The following LZTR1 variants were observed in gnomAD, a reference collection of about 807,000 sequenced individuals.
The protein encoded by LZTR1 is leucine zipper like post translational regulator 1.
A neutral mutation model predicts 105.7 loss-of-function variants in LZTR1; 260 were observed. The observed-to-expected ratio is 2.46, with a 90% CI of 2.22 to 2.72. LZTR1 has a LOEUF of 2.72. LZTR1 is among the 30% of genes most tolerant of loss of function. LZTR1 has a pLI of 0.00. For missense variants in LZTR1, 1,214 were observed against 1,166.9 expected, an observed-to-expected ratio of 1.04 and a Z score of -0.59; for synonymous variants, 490 against 476.4, an observed-to-expected ratio of 1.03 and a Z score of -0.37.
At chr22:20,995,915 T>C in intron 17 of LZTR1, 43 bp downstream of exon 17, 1 of 1,613,056 alleles carries the variant, frequency 6.2e-7, no homozygotes, top group African/African-American at 1.3e-5. Context: ...GCCTGGATGG[T>C]GTCTTCGTTC....
At chr22:20,987,310 C>T in intron 3 of LZTR1, 194 bp from the exon 4 acceptor site, 1 of 552,962 alleles carries the variant, frequency 1.8e-6, no homozygotes, top group Non-Finnish European at 3.2e-6. Flanking sequence ...AGGACAATCG[C>T]TTGAACCCAG....
At chr22:20,992,458 C>T (rs1924641990) in intron 10 of LZTR1, 89 bp downstream of exon 10, 5 of 1,373,302 alleles carry the variant, frequency 3.6e-6, no homozygotes, top group Non-Finnish European at 4.9e-6. Flanking sequence ...GACTGAGGCC[C>T]CGAGAAATAC....
intron 11 of LZTR1, 113 bp from the exon 12 acceptor site, chr22:20,993,549 T>A: frequency 2.4e-6 from 2 of 823,444 alleles, no homozygotes; most frequent in Non-Finnish European, 3.9e-6. Context: ...ACCTGCCTCC[T>A]GGGCCCTGAG....
chr22:20,996,940 C>T lies in LZTR1; in HGVS notation c.2380C>T (p.His794Tyr). 2.5e-6 allele frequency: 4 copies of T among 1,613,680 alleles called. No homozygotes were observed. Among genetic ancestry groups the T allele is most frequent in the Non-Finnish European group, 3.4e-6 (4 of 1,179,960 alleles). ...ACTGGACATGAAGCGGCACTGCCTG[C>T]ACATCATTGTGCACCAGTTCACCAA... ...QALDMKRHCLHIIVHQFTKVS... is the reference protein window; with the variant it reads ...QALDMKRHCLYIIVHQFTKVS... The change falls in exon 20 of 21, where the codon CAC becomes TAC. Residue 794 changes from histidine (H) to tyrosine (Y), a missense_variant. Coordinates refer to ENST00000646124, the MANE Select transcript of LZTR1 (RefSeq NM_006767.4).
rs548004283 is a variant in LZTR1 at position 20,994,887 on chromosome 22, C to T, written c.1803C>T (p.Phe601=). ...TGCCCCAGGAGCACTGCCTGAACTT[C>T]GTGGTAAAGGAGTCCCACTTCAACC... ...LSQLKEHCLN[F]VVKESHFNQV... The change falls in exon 16 of 21, where the codon TTC becomes TTT. Residue 601 remains phenylalanine, a synonymous_variant. Coordinates refer to ENST00000646124, the MANE Select transcript of LZTR1 (RefSeq NM_006767.4). The T allele has an allele frequency of 9.3e-6, 15 of 1,613,344 alleles. No individual in the cohort carries two copies. The highest frequency in any genetic ancestry group is 6.6e-5 in the South Asian group (6 of 91,066).
chr22:20,987,327 G>A (rs1323372007), intron 3 of LZTR1, among the ~76,000 whole-genome samples, 177 bp from the exon 4 acceptor site: 1 of 151,176 alleles, frequency 6.6e-6, no homozygotes, highest in Non-Finnish European at 1.5e-5. Flanking sequence ...CCAGGAGGTG[G>A]AGGTTGAGCC....
chr22:20,985,646 G>A (rs1465015296), intron 2 of LZTR1, among the ~76,000 whole-genome samples, 195 bp from the exon 3 acceptor site: 1 of 152,136 alleles, frequency 6.6e-6, no homozygotes, highest in Non-Finnish European at 1.5e-5. Flanking sequence ...TGGCAGCCCT[G>A]GTGCCCATAT....
Position 20,994,538 on chromosome 22 carries a change from T to G in LZTR1, c.1616-20T>G, listed in dbSNP as rs1924745305. 1 of 1,603,720 alleles carries G rather than the reference T, an allele frequency of 6.2e-7. No homozygotes were observed. Among genetic ancestry groups the G allele is most frequent in the Non-Finnish European group, 8.5e-7 (1 of 1,177,704 alleles). On this transcript the variant is annotated intron_variant, in intron 14 of 20. Transcript: ENST00000646124. Reference sequence around the variant, plus strand: ...CCTCCCCTCTCCGGCTCCCTGAGATTCGGGGGCTCTGGGGCGCAGGCCATG... The same window carrying G: ...CCTCCCCTCTCCGGCTCCCTGAGATGCGGGGGCTCTGGGGCGCAGGCCATG...
Position 20,994,622 on chromosome 22 carries a change from C to T in LZTR1, c.1680C>T (p.Cys560=). The T allele has an allele frequency of 3.1e-6, 5 of 1,612,586 alleles. No homozygotes were observed. Among genetic ancestry groups the T allele is most frequent in the Non-Finnish European group, 4.2e-6 (5 of 1,179,800 alleles). The change falls in exon 15 of 21, where the codon TGC becomes TGT. Residue 560 remains cysteine, a synonymous_variant. Transcript: ENST00000646124. The stretch of plus-strand genomic sequence containing the variant: ...AACTGGCACTGAGCTTCCAGTTGTG[C>T]CGCCTGGAGCAGCTGTGCCGCCAGT... ...VYKLALSFQL[C]RLEQLCRQYI... is the part of the protein sequence containing the mutation.
Position 20,997,281 on chromosome 22 carries a change from A to C in LZTR1, c.2456A>C (p.Asp819Ala), listed in dbSNP as rs765969026. Residue 819 changes from aspartate to alanine, a missense_variant, in exon 21 of 21, where the codon GAC becomes GCC. Transcript: ENST00000646124. ...TCGCTGAGCCAGCAGCTGCTGCTGG[A>C]CATCATAGACTCCCTGGCCTCCCAC... Reference protein sequence around the residue: ...LRSLSQQLLLDIIDSLASHIS... With the variant: ...LRSLSQQLLLAIIDSLASHIS... The C allele has an allele frequency of 3.1e-6, 5 of 1,613,696 alleles. No homozygotes were observed. Among genetic ancestry groups the C allele is most frequent in the Non-Finnish European group, 4.2e-6 (5 of 1,179,964 alleles).
At position 20,982,316 on chromosome 22, in the gene LZTR1, C is replaced by G; in HGVS notation, c.-56C>G. The G allele has an allele frequency of 1.4e-6, 2 of 1,381,282 alleles. No individual in the cohort carries two copies. The highest frequency in any genetic ancestry group is 2.0e-6 in the Non-Finnish European group (2 of 1,019,190). 85.6% of individuals were successfully genotyped at this position (1,381,282 alleles called of 1,614,324 possible). On this transcript the variant is annotated 5_prime_UTR_variant, in exon 1 of 21. Coordinates refer to ENST00000646124, the MANE Select transcript of LZTR1 (RefSeq NM_006767.4). Reference sequence around the variant, plus strand: ...GGAAATGTGGTTTCTCCAGCCGGCCCGGGGCGGTGGCCGCAAGTTGGGCTT... The same window carrying G: ...GGAAATGTGGTTTCTCCAGCCGGCCGGGGGCGGTGGCCGCAAGTTGGGCTT...
intron 5 of LZTR1, 93 bp from the exon 6 acceptor site, chr22:20,988,696 C>A: frequency 1.2e-6 from 1 of 860,056 alleles, no homozygotes; most frequent in Non-Finnish European, 2.0e-6. Context: ...GCCATGCAGC[C>A]TGGCTGTGGC....
rs1468792315 is a variant in LZTR1 at position 20,998,253 on chromosome 22, G to A, written c.*905G>A. 3 of 152,344 alleles carry A rather than the reference G, an allele frequency of 2.0e-5. No homozygotes were observed. The highest frequency in any genetic ancestry group is 6.5e-5 in the Admixed American group (1 of 15,284). The allele number at this position is 152,344 out of a possible 1,614,324, so 9.4% of individuals were successfully genotyped here. On this transcript the variant is annotated 3_prime_UTR_variant, in exon 21 of 21. Transcript: ENST00000646124. ...TGCTGTCAACTCCTGCCTCCACCTG[G>A]GGTCACCCAGTCACATTGGGAAGGG...
Position 20,994,530 on chromosome 22 carries a change from CCT to C in LZTR1, c.1616-27_1616-26del, listed in dbSNP as rs1163956455. The C allele has an allele frequency of 6.9e-6, 11 of 1,601,892 alleles. No individual in the cohort carries two copies. In the East Asian group the frequency reaches 1.3e-4, roughly 20 times the overall value. On this transcript the variant is annotated intron_variant, in intron 14 of 20. Coordinates refer to ENST00000646124, the MANE Select transcript of LZTR1 (RefSeq NM_006767.4). ...TGCCCTGCCCTCCCCTCTCCGGCTC[CCT>C]GAGATTCGGGGGCTCTGGGGCGCAG...
At chr22:20,987,434 G>A (rs943636357) in intron 3 of LZTR1, 70 bp from the exon 4 acceptor site, 3 of 849,380 alleles carry the variant, frequency 3.5e-6, no homozygotes, top group Middle Eastern at 4.5e-4. Flanking sequence ...GGGATGCAGG[G>A]CCACCCTGTG....
Position 20,994,897 on chromosome 22 carries a change from GAGTCCC to G in LZTR1, c.1815_1820del (p.Glu605_His607delinsAsp). The G allele has an allele frequency of 6.2e-7, 1 of 1,613,390 alleles. No homozygotes were observed. The highest frequency in any genetic ancestry group is 1.1e-5 in the South Asian group (1 of 91,082). On this transcript the variant is annotated inframe_deletion, in exon 16 of 21. Coordinates refer to ENST00000646124, the MANE Select transcript of LZTR1 (RefSeq NM_006767.4). ...GCACTGCCTGAACTTCGTGGTAAAG[GAGTCCC>G]ACTTCAACCAGGTGATCATGATGAA...
intron 10 of LZTR1, 181 bp from the exon 11 acceptor site, chr22:20,992,613 T>C (rs1924645935): frequency 1.6e-6 from 1 of 628,578 alleles, no homozygotes; most frequent in African/African-American, 1.8e-5. Context: ...CATGCCCCAC[T>C]CGCCTACATG....
At chr22:20,985,494 G>GGGTTCTGGAGGCTGGGGTGTGAATAGA (rs1924347982) in intron 2 of LZTR1, among the ~76,000 whole-genome samples, 1 of 152,246 alleles carries the variant, frequency 6.6e-6, no homozygotes, top group African/African-American at 2.4e-5. Context: ...GTGTGAATAG[G>GGGTTCTGGAGGCTGGGGTGTGAATAGA]GGTTCTGGAG....
Position 20,995,023 on chromosome 22 carries a change from A to G in LZTR1, c.1939A>G (p.Ile647Val), listed in dbSNP as rs148916790. ...PRTPLDQPVD[I>V]GTSLIQDMKA... ...CACTCCCTTGGACCAGCCAGTGGAC[A>G]TTGGTAGGGAGCCCCGTTCCCCTTC... The change falls in exon 16 of 21, where the codon ATT becomes GTT. Residue 647 changes from isoleucine (I) to valine (V), a missense_variant. By Grantham distance (29) the Ile-to-Val change is conservative. Transcript: ENST00000646124. 83 of 1,606,448 alleles carry G rather than the reference A, an allele frequency of 5.2e-5. No individual in the cohort carries two copies. The African/African-American group carries it at 8.8e-4, about 17-fold the overall frequency.
Sources: allele counts gnomAD v4.1 joint callset (sites outside exome capture counted in the v4.1 genomes callset), GRCh38; gene constraint gnomAD v4.1.1; transcripts MANE v1.5; gene names NCBI Gene and HGNC (gene_info 2026-07-23, HGNC 2026-07-21).